The following ADGRL3 variants were observed in gnomAD, a reference collection of about 807,000 sequenced individuals.
ADGRL3 encodes adhesion G protein-coupled receptor L3.
In ADGRL3, 62 loss-of-function variants were observed where a neutral mutation model predicts 153.5. That is an observed-to-expected ratio of 0.40 (90% CI 0.33 to 0.50). The LOEUF (loss-of-function observed/expected upper bound fraction) is 0.50, where lower values mean the gene tolerates loss of function less well. Among genes scored for constraint, ADGRL3 ranks in the 20% least tolerant of loss-of-function variants. ADGRL3 has a pLI of 0.47. For synonymous variants in ADGRL3, 710 were observed against 672.5 expected (o/e 1.06, Z -0.86); for missense variants, 1,641 against 1,859.4 (o/e 0.88, Z 2.16).
At chr4:61,302,899 T>C (rs768914610) in intron 1 of ADGRL3, among the ~76,000 whole-genome samples, 135 of 152,268 alleles carry the variant, frequency 8.9e-4, no homozygotes, top group Non-Finnish European at 1.3e-3. Flanking sequence ...AGAAAATAAA[T>C]TTCATTGCTT....
intron 2 of ADGRL3, among the ~76,000 whole-genome samples, chr4:61,495,841 T>C (rs1397366417): frequency 6.6e-6 from 1 of 152,204 alleles, no homozygotes; most frequent in Non-Finnish European, 1.5e-5. Flanking sequence ...TCTAGACCAC[T>C]GCTTTGTATT....
At chr4:61,270,940 T>G (rs1362876535) in intron 1 of ADGRL3, among the ~76,000 whole-genome samples, 1 of 151,698 alleles carries the variant, frequency 6.6e-6, no homozygotes, top group African/African-American at 2.4e-5. Context: ...CATAATAAGC[T>G]GAGGAAACCT....
chr4:61,617,073 C>A (rs751279753), intron 5 of ADGRL3, among the ~76,000 whole-genome samples: 1 of 151,968 alleles, frequency 6.6e-6, no homozygotes, highest in Non-Finnish European at 1.5e-5. Context: ...ATATTTATTC[C>A]ATTTAATGAA....
chr4:61,796,990 A>G (rs919418558), intron 8 of ADGRL3, among the ~76,000 whole-genome samples: 2 of 152,200 alleles, frequency 1.3e-5, no homozygotes, highest in African/African-American at 4.8e-5. Flanking sequence ...AAAGTTCAGC[A>G]TTCACAGCCT....
intron 2 of ADGRL3, among the ~76,000 whole-genome samples, chr4:61,453,437 A>C (rs2097698283): frequency 6.6e-6 from 1 of 152,158 alleles, no homozygotes; most frequent in South Asian, 2.1e-4. Flanking sequence ...AACGATTGAC[A>C]TGCATTATCT....
At chr4:62,010,885 AG>A (rs1385907436) in intron 21 of ADGRL3, among the ~76,000 whole-genome samples, 1 of 152,092 alleles carries the variant, frequency 6.6e-6, no homozygotes, top group Non-Finnish European at 1.5e-5. Flanking sequence ...CACTTTTAAA[AG>A]GTAATTGCTG....
chr4:61,236,011 T>TC (rs1553882992), intron 1 of ADGRL3, among the ~76,000 whole-genome samples: 6 of 138,796 alleles, frequency 4.3e-5, no homozygotes, highest in East Asian at 2.1e-4. Flanking sequence ...TTCTTTTCTT[T>TC]TTTTTTTTTT....
intron 21 of ADGRL3, among the ~76,000 whole-genome samples, chr4:61,999,090 T>A (rs1303634656): frequency 3.9e-5 from 6 of 152,190 alleles, no homozygotes; most frequent in Non-Finnish European, 8.8e-5. Context: ...AAAGAAACCT[T>A]CCTAATGTAA....
chr4:62,051,209 A>G (rs1475838931), intron 25 of ADGRL3, among the ~76,000 whole-genome samples: 1 of 149,612 alleles, frequency 6.7e-6, no homozygotes, highest in Non-Finnish European at 1.5e-5. Context: ...CACAAAGGAT[A>G]TATATGTACA....
chr4:61,364,424 G>A (rs1325404015), intron 1 of ADGRL3, among the ~76,000 whole-genome samples: 6 of 151,750 alleles, frequency 4.0e-5, no homozygotes, highest in Admixed American at 3.9e-4. Context: ...AAAATTAATG[G>A]TATCACTGTA....
At chr4:61,472,934 G>T (rs916864514) in intron 2 of ADGRL3, among the ~76,000 whole-genome samples, 8 of 152,036 alleles carry the variant, frequency 5.3e-5, no homozygotes, top group Admixed American at 2.0e-4. Context: ...TTTGTCCCTT[G>T]TATCTGATTG....
chr4:61,317,871 C>T (rs2095260073), intron 1 of ADGRL3, among the ~76,000 whole-genome samples: 1 of 152,012 alleles, frequency 6.6e-6, no homozygotes, highest in South Asian at 2.1e-4. Context: ...TATGTCTATG[C>T]ATTATAAAAA....
At chr4:61,502,740 A>G (rs1457842209) in intron 3 of ADGRL3, among the ~76,000 whole-genome samples, 2 of 152,192 alleles carry the variant, frequency 1.3e-5, no homozygotes, top group East Asian at 3.9e-4. Context: ...AACTTCAAAG[A>G]TATGAAACTT....
chr4:61,521,008 T>C (rs1041068720), intron 4 of ADGRL3, among the ~76,000 whole-genome samples: 2 of 152,098 alleles, frequency 1.3e-5, no homozygotes, highest in Non-Finnish European at 1.5e-5. Flanking sequence ...TTAATCCCCA[T>C]TGGGTTAGGT....
intron 17 of ADGRL3, among the ~76,000 whole-genome samples, chr4:61,962,618 A>AT (rs1438464363): frequency 6.6e-6 from 1 of 152,102 alleles, no homozygotes; most frequent in Non-Finnish European, 1.5e-5. Context: ...TGGGTAAAAC[A>AT]TTTTTGTCAA....
At chr4:61,247,172 C>A (rs1757429036) in intron 1 of ADGRL3, among the ~76,000 whole-genome samples, 1 of 151,750 alleles carries the variant, frequency 6.6e-6, no homozygotes, top group African/African-American at 2.4e-5. Flanking sequence ...ATTCATTTAA[C>A]CATTAAGTTA....
chr4:61,901,863 A>G (rs1258497076), intron 11 of ADGRL3, among the ~76,000 whole-genome samples: 1 of 152,142 alleles, frequency 6.6e-6, no homozygotes, highest in Non-Finnish European at 1.5e-5. Context: ...ATAGGCATTA[A>G]TTTACTAATC....
rs575785559 is a variant in ADGRL3 at position 61,435,877 on chromosome 4, G to T, written c.-174+52688G>T. ...TATCAATGGGAAGTTAATCTGCATT[G>T]TCTCAGTTTCATTTTTAGTTAGTAT... is the stretch of plus-strand genomic sequence containing the variant. On this transcript the variant is annotated intron_variant, in intron 2 of 26. Coordinates refer to ENST00000683033, the MANE Select transcript of ADGRL3 (RefSeq NM_001387552.1). Among the ~76,000 whole-genome samples the T allele has an allele frequency of 2.9e-3, 441 of 150,844 alleles. 2 individuals are homozygous for T. Among genetic ancestry groups the T allele is most frequent in the African/African-American group, 0.01 (423 of 41,462 alleles).
intron 9 of ADGRL3, among the ~76,000 whole-genome samples, chr4:61,841,445 T>G (rs72638578): frequency 0.025 from 3,795 of 152,336 alleles, 76 homozygotes; most frequent in Non-Finnish European, 0.039. Flanking sequence ...TTTCTGTTCT[T>G]CACACCATTT....
Sources: allele counts gnomAD v4.1 joint callset (sites outside exome capture counted in the v4.1 genomes callset), GRCh38; gene constraint gnomAD v4.1.1; transcripts MANE v1.5; gene names NCBI Gene and HGNC (gene_info 2026-07-23, HGNC 2026-07-21).